Variants in SLC36A1 observed in about 807,000 individuals in gnomAD.
SLC36A1 encodes solute carrier family 36 member 1, also known as proton-coupled amino acid transporter 1.
SLC36A1 carries 30 observed loss-of-function variants against 47.5 expected under a neutral mutation model. The observed-to-expected ratio is 0.63, with a 90% CI of 0.47 to 0.86. The LOEUF (loss-of-function observed/expected upper bound fraction) is 0.86. Ranked by LOEUF, SLC36A1 falls within the 40% of genes least tolerant of loss-of-function variation. The pLI is 0.00. For synonymous variants in SLC36A1, 255 were observed against 249.7 expected (o/e 1.02, Z -0.20); for missense variants, 517 against 606.0 (o/e 0.85, Z 1.54).
At chr5:151,545,097 A>G in the SLC36A1 span, 2 of 1,614,044 alleles carry the variant, frequency 1.2e-6, no homozygotes, top group African/African-American at 2.7e-5. Context: ...TATGAAACAT[A>G]TCTGTGCCAT....
chr5:151,413,982 A>G, the SLC36A1 span, among the ~76,000 whole-genome samples: 1 of 152,266 alleles, frequency 6.6e-6, no homozygotes, highest in East Asian at 1.9e-4. Context: ...GAAATTCTTC[A>G]AGCACTAGAA....
chr5:151,454,531 A>G (rs1754180393), intron 1 of SLC36A1, among the ~76,000 whole-genome samples: 1 of 152,086 alleles, frequency 6.6e-6, no homozygotes. Flanking sequence ...GGATTTTTTC[A>G]GGGATAAGGG....
rs557340923 is a variant in SLC36A1 at position 151,467,511 on chromosome 5, A to G, written c.505-196A>G. ...GTCGACCCTCCTGTCCTAGGTACATATGATCAAACCTAGCTCAGACAATTG... is the reference window on the plus strand; with the variant it reads ...GTCGACCCTCCTGTCCTAGGTACATGTGATCAAACCTAGCTCAGACAATTG... On this transcript the variant is annotated intron_variant, in intron 6 of 10. Transcript: ENST00000243389. 2.0e-5 allele frequency among the ~76,000 whole-genome samples: 3 copies of G among 152,250 alleles called. No individual in the cohort carries two copies. In the East Asian group the frequency reaches 5.8e-4, roughly 29 times the overall value.
At chr5:151,375,523 G>A in the SLC36A1 span, among the ~76,000 whole-genome samples, 1 of 151,864 alleles carries the variant, frequency 6.6e-6, no homozygotes, top group Non-Finnish European at 1.5e-5. Context: ...TTTTTGCTTT[G>A]GATGCTTTGG....
At chr5:151,501,444 G>A in the SLC36A1 span, among the ~76,000 whole-genome samples, 2 of 148,652 alleles carry the variant, frequency 1.3e-5, no homozygotes, top group African/African-American at 2.6e-5. Flanking sequence ...CTAAGGGTGC[G>A]CTGTGGAGTA....
chr5:151,404,671 C>G, the SLC36A1 span, among the ~76,000 whole-genome samples: 2 of 152,094 alleles, frequency 1.3e-5, no homozygotes, highest in Non-Finnish European at 2.9e-5. Context: ...GCTTATGAAA[C>G]TTAGTTTGGT....
At chr5:151,525,236 T>C in the SLC36A1 span, among the ~76,000 whole-genome samples, 1,231 of 152,306 alleles carry the variant, frequency 8.1e-3, 26 homozygotes, top group African/African-American at 0.029. Flanking sequence ...GGGAGAGATA[T>C]CAGACCACCA....
chr5:151,416,535 A>G, the SLC36A1 span, among the ~76,000 whole-genome samples: 2 of 152,234 alleles, frequency 1.3e-5, no homozygotes, highest in African/African-American at 4.8e-5. Flanking sequence ...ATTTTGCACT[A>G]TGAGAGCAGT....
chr5:151,356,339 C>CAAAAAAAAA, the SLC36A1 span, among the ~76,000 whole-genome samples: 1,362 of 51,226 alleles, frequency 0.027, 134 homozygotes, highest in African/African-American at 0.062. Context: ...CTCTGTCTCA[C>CAAAAAAAAA]AAAAAAAAAA....
At chr5:151,352,831 A>G in the SLC36A1 span, among the ~76,000 whole-genome samples, 13 of 152,238 alleles carry the variant, frequency 8.5e-5, no homozygotes, top group African/African-American at 2.9e-4. Context: ...GAGATTAAAC[A>G]TAAGGATAAT....
chr5:151,354,954 T>C, the SLC36A1 span, among the ~76,000 whole-genome samples: 1 of 152,050 alleles, frequency 6.6e-6, no homozygotes, highest in Non-Finnish European at 1.5e-5. Flanking sequence ...ATGTTCACCA[T>C]AGCGGGGAAA....
intron 7 of SLC36A1, among the ~76,000 whole-genome samples, chr5:151,468,852 T>C (rs1194787636): frequency 6.6e-6 from 1 of 152,194 alleles, no homozygotes; most frequent in East Asian, 1.9e-4. Context: ...TAATTCCTTA[T>C]CAACTCCAGT....
At chr5:151,452,886 G>A (rs183622886) in intron 1 of SLC36A1, among the ~76,000 whole-genome samples, 36 of 132,516 alleles carry the variant, frequency 2.7e-4, no homozygotes, top group Middle Eastern at 5.2e-3. Flanking sequence ...AAAAAAAGAA[G>A]ACAAAAAGAC....
chr5:151,518,813 C>T, the SLC36A1 span, among the ~76,000 whole-genome samples: 1,013 of 152,292 alleles, frequency 6.7e-3, 10 homozygotes, highest in African/African-American at 0.024. Context: ...CTGTTGAACC[C>T]CCTTTGGGAA....
At chr5:151,410,345 A>G in the SLC36A1 span, among the ~76,000 whole-genome samples, 1 of 143,806 alleles carries the variant, frequency 7.0e-6, no homozygotes, top group East Asian at 2.3e-4. Flanking sequence ...TTTTTTTTCC[A>G]AATATGGATT....
the SLC36A1 span, chr5:151,527,956 C>T: frequency 6.2e-7 from 1 of 1,606,864 alleles, no homozygotes; most frequent in Non-Finnish European, 8.5e-7. Context: ...TGTGTCTCTG[C>T]TCTAATGAGC....
At chr5:151,461,347 G>A (rs769205828) in intron 2 of SLC36A1, among the ~76,000 whole-genome samples, 2 of 152,070 alleles carry the variant, frequency 1.3e-5, no homozygotes, top group Non-Finnish European at 2.9e-5. Flanking sequence ...ATGTTACCAA[G>A]CTATTGACTG....
chr5:151,474,173 AAAAAAAG>A (rs199977530), intron 8 of SLC36A1, among the ~76,000 whole-genome samples: 7,320 of 140,220 alleles, frequency 0.052, 699 homozygotes, highest in African/African-American at 0.2. Flanking sequence ...AAAAAAAAAA[AAAAAAAG>A]AAATTATCTT....
the SLC36A1 span, among the ~76,000 whole-genome samples, chr5:151,421,389 G>A: frequency 2.7e-5 from 4 of 150,062 alleles, no homozygotes; most frequent in Non-Finnish European, 5.9e-5. Flanking sequence ...ATACAGGCAT[G>A]AGCCACCACA....
Sources: allele counts gnomAD v4.1 joint callset (sites outside exome capture counted in the v4.1 genomes callset), GRCh38; gene constraint gnomAD v4.1.1; transcripts MANE v1.5; gene names NCBI Gene and HGNC (gene_info 2026-07-23, HGNC 2026-07-21).